Variants in LRMDA observed in about 807,000 individuals in gnomAD.
LRMDA encodes the protein leucine-rich melanocyte differentiation-associated protein.
LRMDA carries 18 observed loss-of-function variants against 29.8 expected under a neutral mutation model. The ratio of observed to expected loss-of-function variants is 0.60; its 90% CI spans 0.42 to 0.90. The LOEUF is 0.90. LRMDA is among the 40% of genes least tolerant of loss of function. The pLI is 0.00. For missense variants in LRMDA, 273 were observed against 273.9 expected (o/e 1.00, Z 0.02); for synonymous variants, 125 against 109.4 (o/e 1.14, Z -0.89).
chr10:75,534,770 G>C (rs1839927435), intron 2 of LRMDA, among the ~76,000 whole-genome samples: 2 of 152,092 alleles, frequency 1.3e-5, no homozygotes, highest in South Asian at 4.1e-4. Context: ...TGAGTTTTTT[G>C]AAGAATTTTG....
chr10:75,888,097 A>G (rs1263278000), intron 2 of LRMDA, among the ~76,000 whole-genome samples: 1 of 152,170 alleles, frequency 6.6e-6, no homozygotes, highest in African/African-American at 2.4e-5. Flanking sequence ...CACTCTCGAT[A>G]AGACACTTTT....
chr10:76,506,236 CT>C (rs1842958361), intron 6 of LRMDA, among the ~76,000 whole-genome samples: 1 of 152,156 alleles, frequency 6.6e-6, no homozygotes, highest in African/African-American at 2.4e-5. Context: ...TCCAGAACCC[CT>C]GGTGATTATT....
chr10:76,549,276 C>T (rs1843465633), intron 6 of LRMDA, among the ~76,000 whole-genome samples: 1 of 152,148 alleles, frequency 6.6e-6, no homozygotes, highest in African/African-American at 2.4e-5. Context: ...CTGCTGATCA[C>T]CTTCACGACA....
chr10:75,759,653 T>C (rs1348675966), intron 2 of LRMDA, among the ~76,000 whole-genome samples: 1 of 152,242 alleles, frequency 6.6e-6, no homozygotes, highest in Non-Finnish European at 1.5e-5. Context: ...ATTTTAACAC[T>C]CACTTTGTTA....
chr10:76,334,894 T>A (rs1479978152), intron 6 of LRMDA, among the ~76,000 whole-genome samples: 3 of 152,160 alleles, frequency 2.0e-5, no homozygotes, highest in Admixed American at 6.5e-5. Context: ...CCTTCAGGAA[T>A]CCTACAGTCT....
chr10:76,468,913 G>A (rs1292305751), intron 6 of LRMDA, among the ~76,000 whole-genome samples: 3 of 152,168 alleles, frequency 2.0e-5, no homozygotes, highest in Admixed American at 6.5e-5. Context: ...GGGAAAGAGA[G>A]GGAGAGGGAA....
chr10:75,929,632 C>T (rs894816054), intron 2 of LRMDA, among the ~76,000 whole-genome samples: 1 of 152,114 alleles, frequency 6.6e-6, no homozygotes, highest in African/African-American at 2.4e-5. Flanking sequence ...ACATAGCCCT[C>T]AAATTTCTGT....
intron 2 of LRMDA, among the ~76,000 whole-genome samples, chr10:75,506,821 G>T (rs1479594412): frequency 6.6e-6 from 1 of 152,208 alleles, no homozygotes; most frequent in East Asian, 1.9e-4. Context: ...AGGTTTCCTG[G>T]CACGAGGGGG....
At chr10:76,226,759 T>C (rs189636554) in intron 5 of LRMDA, among the ~76,000 whole-genome samples, 1 of 152,142 alleles carries the variant, frequency 6.6e-6, no homozygotes, top group African/African-American at 2.4e-5. Flanking sequence ...CCATATCAGG[T>C]CCCCTTCACC....
intron 5 of LRMDA, among the ~76,000 whole-genome samples, chr10:76,154,755 C>T (rs1850507469): frequency 6.6e-6 from 1 of 151,990 alleles, no homozygotes; most frequent in African/African-American, 2.4e-5. Context: ...AACTTCATAC[C>T]TCTCTCATGG....
At chr10:76,025,202 G>A (rs191853583) in intron 2 of LRMDA, among the ~76,000 whole-genome samples, 1 of 151,284 alleles carries the variant, frequency 6.6e-6, no homozygotes, top group Admixed American at 6.6e-5. Flanking sequence ...GTGGGAAAAA[G>A]ACAGGAAAGA....
chr10:75,729,606 A>G (rs1181576787), intron 2 of LRMDA, among the ~76,000 whole-genome samples: 2 of 152,174 alleles, frequency 1.3e-5, no homozygotes, highest in African/African-American at 4.8e-5. Context: ...AAAGGGTATG[A>G]AAGTGTGGGA....
intron 2 of LRMDA, among the ~76,000 whole-genome samples, chr10:75,581,678 A>C (rs1840593672): frequency 6.6e-6 from 1 of 150,704 alleles, no homozygotes; most frequent in African/African-American, 2.4e-5. Flanking sequence ...CTCAGCGAAC[A>C]CAAGAACAGA....
intron 5 of LRMDA, among the ~76,000 whole-genome samples, chr10:76,220,714 C>T (rs1251649839): frequency 1.3e-5 from 2 of 152,256 alleles, no homozygotes; most frequent in East Asian, 3.9e-4. Context: ...TGGTACCATT[C>T]CTTCTGAAAC....
At chr10:76,202,451 G>A (rs566060487) in intron 5 of LRMDA, among the ~76,000 whole-genome samples, 1 of 152,086 alleles carries the variant, frequency 6.6e-6, no homozygotes, top group African/African-American at 2.4e-5. Context: ...TTAATGGTGT[G>A]CATGTAACTT....
intron 6 of LRMDA, among the ~76,000 whole-genome samples, chr10:76,486,289 G>T (rs1023533469): frequency 6.6e-6 from 1 of 151,904 alleles, no homozygotes; most frequent in African/African-American, 2.4e-5. Context: ...AATTAAGTTT[G>T]CACAGCCTTT....
chr10:75,666,862 C>T (rs1265475318), intron 2 of LRMDA, among the ~76,000 whole-genome samples: 2 of 152,050 alleles, frequency 1.3e-5, no homozygotes, highest in African/African-American at 4.8e-5. Flanking sequence ...AGGACCTAAG[C>T]TTAAAATTAT....
At chr10:76,328,817 A>G (rs1002715114) in intron 6 of LRMDA, among the ~76,000 whole-genome samples, 9 of 152,246 alleles carry the variant, frequency 5.9e-5, no homozygotes, top group African/African-American at 1.9e-4. Flanking sequence ...TTTGAAAACA[A>G]AAAGGGTGAA....
chr10:76,239,682 G>A (rs1468022741), intron 5 of LRMDA, among the ~76,000 whole-genome samples: 1 of 151,938 alleles, frequency 6.6e-6, no homozygotes, highest in Non-Finnish European at 1.5e-5. Context: ...TTGGCTGGTT[G>A]CCTCCTTGCC....
Sources: allele counts gnomAD v4.1 joint callset (sites outside exome capture counted in the v4.1 genomes callset), GRCh38; gene constraint gnomAD v4.1.1; transcripts MANE v1.5; gene names NCBI Gene and HGNC (gene_info 2026-07-23, HGNC 2026-07-21).